C9orf85: variants seen among roughly 807,000 people sequenced by gnomAD.
The protein encoded by C9orf85 is uncharacterized protein C9orf85.
Under a neutral mutation model 14.9 loss-of-function variants are expected in C9orf85, and 16 were observed. The ratio of observed to expected loss-of-function variants is 1.08; its 90% CI spans 0.73 to 1.63. The LOEUF is 1.63. C9orf85 is among the 40% of genes most tolerant of loss of function. The pLI is 0.00. For missense variants in C9orf85, 172 were observed against 186.1 expected, an observed-to-expected ratio of 0.92 and a Z score of 0.44; for synonymous variants, 45 against 56.8, an observed-to-expected ratio of 0.79 and a Z score of 0.93.
At chr9:71,968,099 TATAGAG>T (rs1414191611) in intron 2 of C9orf85, among the ~76,000 whole-genome samples, 3 of 130,440 alleles carry the variant, frequency 2.3e-5, no homozygotes, top group Admixed American at 1.5e-4. Flanking sequence ...TATATATATA[TATAGAG>T]AGAGAGAGAG....
At chr9:71,925,215 T>G (rs1827902197) in intron 1 of C9orf85, among the ~76,000 whole-genome samples, 1 of 152,210 alleles carries the variant, frequency 6.6e-6, no homozygotes, top group Non-Finnish European at 1.5e-5. Context: ...TGACTGAACA[T>G]GTACTTAAAA....
rs546439590 is a variant in C9orf85 at position 71,936,442 on chromosome 9, C to T, written c.103-10564C>T. Among the ~76,000 whole-genome samples, 32 of 126,822 alleles carry T rather than the reference C, an allele frequency of 2.5e-4. No homozygotes were observed. In the South Asian group the frequency reaches 9.3e-3, roughly 37 times the overall value. The allele number at this position is 126,822 out of a possible 152,430, so 83.2% of individuals were successfully genotyped here. On this transcript the variant is annotated intron_variant, in intron 1 of 3. Coordinates refer to ENST00000334731, the MANE Select transcript of C9orf85 (RefSeq NM_182505.5). ...GAACAAATGGGATTGAAAGTATTAC[C>T]CTACTTGTAGAGAGTCTTTTTTTTT...
intron 1 of C9orf85, among the ~76,000 whole-genome samples, chr9:71,940,014 A>G (rs1462372646): frequency 2.0e-5 from 3 of 152,198 alleles, no homozygotes; most frequent in African/African-American, 7.2e-5. Flanking sequence ...TTTATTCAAG[A>G]GTCAAAAAGT....
intron 1 of C9orf85, among the ~76,000 whole-genome samples, chr9:71,940,241 C>T (rs574893357): frequency 1.2e-4 from 18 of 151,724 alleles, no homozygotes; most frequent in East Asian, 7.8e-4. Context: ...AAAAAAAAGA[C>T]GCAAAAGATT....
intron 1 of C9orf85, among the ~76,000 whole-genome samples, chr9:71,937,574 T>C (rs573613704): frequency 6.6e-6 from 1 of 152,346 alleles, no homozygotes; most frequent in Admixed American, 6.5e-5. Context: ...AAAAAGATAT[T>C]GTGAGTATAT....
intron 1 of C9orf85, among the ~76,000 whole-genome samples, chr9:71,921,189 C>A (rs1448423506): frequency 6.6e-6 from 1 of 152,082 alleles, no homozygotes; most frequent in African/African-American, 2.4e-5. Flanking sequence ...TTTAAAATAG[C>A]CCTGCAAAGC....
chr9:71,963,736 G>A (rs750449006), intron 2 of C9orf85, among the ~76,000 whole-genome samples: 12 of 152,330 alleles, frequency 7.9e-5, no homozygotes, highest in East Asian at 1.9e-4. Flanking sequence ...GCCCACTGGC[G>A]CTGCGCTTGA....
At chr9:71,979,033 C>G (rs1823052257) in intron 3 of C9orf85, among the ~76,000 whole-genome samples, 1 of 145,542 alleles carries the variant, frequency 6.9e-6, no homozygotes, top group Non-Finnish European at 1.6e-5. Context: ...GACTCCGTCT[C>G]AAGAAAAAAA....
intron 2 of C9orf85, among the ~76,000 whole-genome samples, chr9:71,966,437 G>A (rs1319257441): frequency 6.6e-6 from 1 of 151,898 alleles, no homozygotes; most frequent in Non-Finnish European, 1.5e-5. Context: ...CATTTTTAAG[G>A]GAAATTTGGA....
chr9:71,962,712 C>T (rs1246884824), intron 2 of C9orf85, among the ~76,000 whole-genome samples: 2 of 152,194 alleles, frequency 1.3e-5, no homozygotes, highest in Non-Finnish European at 2.9e-5. Flanking sequence ...ATTTTACTTC[C>T]TTCAAACAGA....
At chr9:71,918,480 G>T in intron 1 of C9orf85, 1 of 1,301,740 alleles carries the variant, frequency 7.7e-7, no homozygotes, top group African/African-American at 1.5e-5. Flanking sequence ...GTGGAGCAGG[G>T]GTCCCCAGCC....
chr9:71,944,064 A>T (rs1822017371), intron 1 of C9orf85, among the ~76,000 whole-genome samples: 1 of 151,642 alleles, frequency 6.6e-6, no homozygotes, highest in African/African-American at 2.4e-5. Context: ...GCGAAACCCC[A>T]TCTCTACTAA....
At chr9:71,962,404 C>T (rs1822543023) in intron 2 of C9orf85, among the ~76,000 whole-genome samples, 1 of 152,176 alleles carries the variant, frequency 6.6e-6, no homozygotes, top group Admixed American at 6.5e-5. Flanking sequence ...GCTATGTTGA[C>T]TACAGATGAC....
At chr9:71,970,018 C>T (rs1202154605) in intron 2 of C9orf85, among the ~76,000 whole-genome samples, 6 of 151,508 alleles carry the variant, frequency 4.0e-5, no homozygotes, top group East Asian at 1.9e-4. Context: ...AATCTCAGCT[C>T]ACTGCAACCT....
rs143200227 is a variant in C9orf85, at chr9:71,927,193, A to T, written c.102+15357A>T. ...TACTGTAAAGGAGTATTTTGAATTT[A>T]GAATTTCTTATAGAGCTAAGCTATG... On this transcript the variant is annotated intron_variant, in intron 1 of 3. Coordinates refer to ENST00000334731, the MANE Select transcript of C9orf85 (RefSeq NM_182505.5). Among the ~76,000 whole-genome samples, 143 of 151,456 alleles carry T rather than the reference A, an allele frequency of 9.4e-4. 1 individual carries two copies. The highest frequency in any genetic ancestry group is 3.4e-3 in the African/African-American group (139 of 41,380).
chr9:71,912,671 G>A lies in C9orf85; in HGVS notation c.102+835G>A, dbSNP rs1164389293. Among the ~76,000 whole-genome samples the A allele has an allele frequency of 3.3e-5, 5 of 152,196 alleles. No individual in the cohort carries two copies. In the East Asian group the frequency reaches 9.7e-4, roughly 29 times the overall value. ...CCGAGGTGGTGGGCGGATCACCTGA[G>A]GTCAGAAGTTCGAGAACGACCTGGC... is the stretch of plus-strand genomic sequence containing the variant. On this transcript the variant is annotated intron_variant, in intron 1 of 3. Transcript: ENST00000334731.
intron 2 of C9orf85, among the ~76,000 whole-genome samples, chr9:71,964,676 AGGGTCCAT>A (rs997633261): frequency 3.3e-5 from 5 of 152,238 alleles, no homozygotes; most frequent in African/African-American, 9.6e-5. Context: ...ACTCACCGCG[AGGGTCCAT>A]GGCTTCATTC....
At chr9:71,936,473 A>T (rs1402855810) in intron 1 of C9orf85, among the ~76,000 whole-genome samples, 1 of 151,920 alleles carries the variant, frequency 6.6e-6, no homozygotes. Flanking sequence ...TTTTTTCAGG[A>T]AAGACATATT....
chr9:71,938,713 G>C (rs1828254221), intron 1 of C9orf85, among the ~76,000 whole-genome samples: 1 of 151,632 alleles, frequency 6.6e-6, no homozygotes, highest in South Asian at 2.1e-4. Context: ...TTACAATGTT[G>C]TTCATATGGA....
Sources: allele counts gnomAD v4.1 joint callset (sites outside exome capture counted in the v4.1 genomes callset), GRCh38; gene constraint gnomAD v4.1.1; transcripts MANE v1.5; gene names NCBI Gene and HGNC (gene_info 2026-07-23, HGNC 2026-07-21).